The following NPHS1 variants were observed in gnomAD, a reference collection of about 807,000 sequenced individuals.
NPHS1 encodes the protein nephrin.
In NPHS1, 107 loss-of-function variants were observed where a neutral mutation model predicts 139.7. That is an observed-to-expected ratio of 0.77 (90% confidence interval 0.66 to 0.90). The LOEUF is 0.90. NPHS1 is among the 40% of genes least tolerant of loss of function. The probability of loss-of-function intolerance (pLI) is 0.00; values close to 1 mark genes in which losing one functional copy is unlikely to be tolerated. For missense variants in NPHS1, 1,580 were observed against 1,654.2 expected, an observed-to-expected ratio of 0.96 and a Z score of 0.78; for synonymous variants, 707 against 706.6, an observed-to-expected ratio of 1.00 and a Z score of -0.01.
intron 22 of NPHS1, 140 bp downstream of exon 22, chr19:35,839,097 A>G (rs1973016936): frequency 1.3e-6 from 1 of 769,434 alleles, no homozygotes. Context: ...ATCTTTTACT[A>G]GTTGTGTGAC....
Position 35,846,068 on chromosome 19 carries a change from G to A in NPHS1, c.1567C>T (p.Gln523Ter), listed in dbSNP as rs1447842872. 4 of 1,595,992 alleles carry A rather than the reference G, an allele frequency of 2.5e-6. No homozygotes were observed. Among genetic ancestry groups the A allele is most frequent in the Non-Finnish European group, 3.4e-6 (4 of 1,171,598 alleles). ...LVLVTGPSDN[Q>*]AKFTCKAGQL... ...CCAGCCTTGCACGTGAACTTGGCCT[G>A]GTTGTCCGACGGCCCTGTGACCAGC... The change falls in exon 12 of 29, where the codon CAG becomes TAG. Residue 523 changes from glutamine to a stop codon, truncating the protein, a stop_gained. Coordinates refer to ENST00000378910, the MANE Select transcript of NPHS1 (RefSeq NM_004646.4). LOFTEE classifies it high-confidence loss of function.
chr19:35,825,868 T>C lies in NPHS1; in HGVS notation c.*646A>G, dbSNP rs538434487. 7.9e-5 allele frequency: 12 copies of C among 152,448 alleles called. No individual in the cohort carries two copies. Among genetic ancestry groups the C allele is most frequent in the Middle Eastern group, 3.4e-3 (1 of 294 alleles). The allele number at this position is 152,448 out of a possible 1,614,324, so 9.4% of individuals were successfully genotyped here. On this transcript the variant is annotated 3_prime_UTR_variant, in exon 29 of 29. Transcript: ENST00000378910. ...TGCAAAATGAACAGAGTTTTTCATA[T>C]GTCTTTCCCCACTTCTGAAAACTTT...
chr19:35,829,298 G>A (rs1287398884), intron 28 of NPHS1, among the ~76,000 whole-genome samples: 1 of 152,200 alleles, frequency 6.6e-6, no homozygotes, highest in Non-Finnish European at 1.5e-5. Context: ...TTGGGCATTT[G>A]GGGCCACTGG....
In NPHS1 at chr19:35,839,483, G is replaced by A. The variant is rs200759297; in HGVS notation, c.2927+13C>T. On this transcript the variant is annotated intron_variant, in intron 21 of 28. Transcript: ENST00000378910. ...AGCCCATTCCCTTCCCTCCTGCCTC[G>A]ACAAGGACCCACCTGATGCAGAACC... The A allele has an allele frequency of 7.9e-5, 128 of 1,613,578 alleles. No homozygotes were observed. In the African/African-American group the frequency reaches 1.3e-3, roughly 17 times the overall value.
At position 35,845,645 on chromosome 19, in the gene NPHS1, G is replaced by A; in HGVS notation, c.1757+24C>T. ...GAGGGGGCGAGGCCAGACCAGAGAGGGGAGGGATCCCTCGCACTCCCACCT... is the reference window on the plus strand; with the variant it reads ...GAGGGGGCGAGGCCAGACCAGAGAGAGGAGGGATCCCTCGCACTCCCACCT... On this transcript the variant is annotated intron_variant, in intron 13 of 28. Coordinates refer to ENST00000378910, the MANE Select transcript of NPHS1 (RefSeq NM_004646.4). The surrounding 1 kb of genome is among the most constrained non-coding windows in gnomAD (Gnocchi z 5.5). The A allele has an allele frequency of 6.2e-7, 1 of 1,612,150 alleles. No homozygotes were observed. The highest frequency in any genetic ancestry group is 1.1e-5 in the South Asian group (1 of 90,694).
intron 11 of NPHS1, among the ~76,000 whole-genome samples, chr19:35,846,765 T>G (rs923965050): frequency 5.3e-5 from 8 of 152,344 alleles, no homozygotes; most frequent in Admixed American, 1.3e-4. Context: ...GATCCCAGTC[T>G]TTTAACAGAT....
intron 23 of NPHS1, among the ~76,000 whole-genome samples, chr19:35,835,367 A>G (rs549958810): frequency 9.3e-5 from 12 of 129,648 alleles, no homozygotes; most frequent in African/African-American, 3.6e-4. Context: ...TGGCTCAGTC[A>G]TAGCTCACTG....
chr19:35,850,662 ACTC>A (rs1161729148), intron 4 of NPHS1, among the ~76,000 whole-genome samples: 1 of 151,572 alleles, frequency 6.6e-6, no homozygotes, highest in Non-Finnish European at 1.5e-5. Flanking sequence ...GCTCTTCTCA[ACTC>A]CTTGCTGGGT....
chr19:35,843,009 A>C (rs1161355975), intron 17 of NPHS1, among the ~76,000 whole-genome samples: 1 of 151,908 alleles, frequency 6.6e-6, no homozygotes, highest in East Asian at 1.9e-4. Flanking sequence ...CCAGCTACCT[A>C]TTTATTCATC....
Position 35,844,333 on chromosome 19 carries a change from T to C in NPHS1, c.2057A>G (p.Tyr686Cys), listed in dbSNP as rs1973104622. The part of the protein sequence containing the change: ...PEAFNWTFRG[Y>C]RLSPAGGPRH... Reference sequence around the variant, plus strand: ...ACTTCCCTCACCTGGACTGAGGCGATAGCCGCGGAAGGTCCAGTTGAAGGC... The same window carrying C: ...ACTTCCCTCACCTGGACTGAGGCGACAGCCGCGGAAGGTCCAGTTGAAGGC... Residue 686 changes from tyrosine to cysteine, a missense_variant, in exon 15 of 29, where the codon TAT becomes TGT. Coordinates refer to ENST00000378910, the MANE Select transcript of NPHS1 (RefSeq NM_004646.4). 1 of 1,613,922 alleles carries C rather than the reference T, an allele frequency of 6.2e-7. No individual in the cohort carries two copies. Among genetic ancestry groups the C allele is most frequent in the South Asian group, 1.1e-5 (1 of 91,060 alleles).
chr19:35,851,952 C>T lies in NPHS1; in HGVS notation c.-115G>A, dbSNP rs1973277831. The T allele has an allele frequency of 2.4e-6, 2 of 827,566 alleles. No homozygotes were observed. Among genetic ancestry groups the T allele is most frequent in the South Asian group, 2.9e-5 (2 of 68,628 alleles). 51.3% of individuals were successfully genotyped at this position (827,566 alleles called of 1,614,324 possible). The stretch of plus-strand genomic sequence containing the variant: ...TGCCACCTGCTTTTCTTTTTTATCT[C>T]TTTCCGTTACTCTCCTCCCTTTCTC... On this transcript the variant is annotated 5_prime_UTR_variant, in exon 1 of 29. Coordinates refer to ENST00000378910, the MANE Select transcript of NPHS1 (RefSeq NM_004646.4).
intron 5 of NPHS1, among the ~76,000 whole-genome samples, chr19:35,849,952 A>G (rs756795735): frequency 6.6e-6 from 1 of 152,126 alleles, no homozygotes; most frequent in African/African-American, 2.4e-5. Context: ...ATCTGGCTCT[A>G]TCACCCAGGC....
In NPHS1 at chr19:35,831,284, AC is replaced by A. The variant is rs1226884552; in HGVS notation, c.3387+11del. ...CCCTGATTGTGGGGTCACCAGGGCC[AC>A]CCCCACTTACCGTGGAGCTCTGAGT... On this transcript the variant is annotated intron_variant, in intron 26 of 28. Transcript: ENST00000378910. 3.7e-6 allele frequency: 6 copies of A among 1,613,246 alleles called. No homozygotes were observed. Among genetic ancestry groups the A allele is most frequent in the South Asian group, 2.2e-5 (2 of 91,042 alleles).
At chr19:35,829,355 C>T (rs1292532926) in intron 28 of NPHS1, among the ~76,000 whole-genome samples, 2 of 152,150 alleles carry the variant, frequency 1.3e-5, no homozygotes, top group Non-Finnish European at 2.9e-5. Context: ...TCGTAGGATA[C>T]AAATCTAGAT....
At chr19:35,828,807 C>T (rs928558339) in intron 28 of NPHS1, among the ~76,000 whole-genome samples, 1 of 152,306 alleles carries the variant, frequency 6.6e-6, no homozygotes, top group South Asian at 2.1e-4. Flanking sequence ...CGGCCCTGTT[C>T]GGAAAAAGCG....
At chr19:35,849,962 C>T (rs1480902178) in intron 5 of NPHS1, among the ~76,000 whole-genome samples, 2 of 152,218 alleles carry the variant, frequency 1.3e-5, no homozygotes, top group Non-Finnish European at 2.9e-5. Flanking sequence ...ATCACCCAGG[C>T]TGGAGTGCAG....
In NPHS1 at chr19:35,842,112, G is replaced by T; in HGVS notation, c.2663+12C>A. ...TGGGGCTGGAGTGCTGCCTGGCTGG[G>T]CTTGGGCTCACCTGGGATCTTGGAG... On this transcript the variant is annotated intron_variant, in intron 19 of 28. Coordinates refer to ENST00000378910, the MANE Select transcript of NPHS1 (RefSeq NM_004646.4). 1 of 1,599,734 alleles carries T rather than the reference G, an allele frequency of 6.3e-7. No homozygotes were observed. Among genetic ancestry groups the T allele is most frequent in the South Asian group, 1.1e-5 (1 of 88,560 alleles).
At position 35,845,523 on chromosome 19, in the gene NPHS1, G is replaced by T. The variant is rs1252584769; in HGVS notation, c.1775C>A (p.Ala592Asp). The T allele has an allele frequency of 6.2e-7, 1 of 1,605,812 alleles. No homozygotes were observed. The highest frequency in any genetic ancestry group is 1.7e-5 in the Admixed American group (1 of 58,898). ...KEGERLEGVA[A>D]PPRRAPFKGS... is the part of the protein sequence containing the mutation. ...TTTGAATGGGGCTCTCCGGGGTGGG[G>T]CGGCCACGCCCTCCAGCCTGTGGAA... The change falls in exon 14 of 29, where the codon GCC becomes GAC. Residue 592 changes from alanine to aspartate, a missense_variant. Physicochemically the swap from Ala to Asp is moderately radical, Grantham distance 126. Coordinates refer to ENST00000378910, the MANE Select transcript of NPHS1 (RefSeq NM_004646.4). This position sits in a 1 kb window ranked among gnomAD's most constrained non-coding sequence, Gnocchi z 5.5.
chr19:35,825,999 G>T lies in NPHS1; in HGVS notation c.*515C>A, dbSNP rs966287250. The T allele has an allele frequency of 1.3e-5, 2 of 156,122 alleles. No individual in the cohort carries two copies. Among genetic ancestry groups the T allele is most frequent in the Non-Finnish European group, 2.9e-5 (2 of 70,104 alleles). 9.7% of individuals were successfully genotyped at this position (156,122 alleles called of 1,614,324 possible). On this transcript the variant is annotated 3_prime_UTR_variant, in exon 29 of 29. Transcript: ENST00000378910. ...CTCGCTCTGTCGCCCAGGCTGGAGTGCAGTGGCGTGATCTCAGCTCACTGC... is the reference window on the plus strand; with the variant it reads ...CTCGCTCTGTCGCCCAGGCTGGAGTTCAGTGGCGTGATCTCAGCTCACTGC...
Sources: gnomAD v4.1 joint callset for allele counts (sites outside exome capture counted in the v4.1 genomes callset) on GRCh38, gnomAD v4.1.1 for gene constraint, Gnocchi (gnomAD v3.1) non-coding constraint, MANE v1.5 for transcripts, NCBI Gene and HGNC (gene_info 2026-07-23, HGNC 2026-07-21) for gene names.